The following ADGRL4 variants were observed in gnomAD, a reference collection of about 807,000 sequenced individuals.
The protein encoded by ADGRL4 is adhesion G protein-coupled receptor L4, also known as EGF, latrophilin and seven transmembrane domain containing 1.
Under a neutral mutation model 74.8 loss-of-function variants are expected in ADGRL4, and 90 were observed. The ratio of observed to expected loss-of-function variants is 1.20; its 90% CI spans 1.02 to 1.43. The LOEUF (loss-of-function observed/expected upper bound fraction) is 1.43, where lower values mean the gene tolerates loss of function less well. Among genes scored for constraint, ADGRL4 ranks in the 40% most tolerant of loss-of-function variants. ADGRL4 has a pLI of 0.00. For missense variants in ADGRL4, 881 were observed against 814.3 expected, an observed-to-expected ratio of 1.08 and a Z score of -1.00; for synonymous variants, 311 against 279.2, an observed-to-expected ratio of 1.11 and a Z score of -1.14.
At chr1:78,947,920 T>C (rs905005264) in intron 2 of ADGRL4, among the ~76,000 whole-genome samples, 15 of 152,180 alleles carry the variant, frequency 9.9e-5, no homozygotes, top group Admixed American at 5.9e-4. Flanking sequence ...ATACTGGCTA[T>C]TGCTCACATA....
rs1302159250 is a variant in ADGRL4 at position 78,976,131 on chromosome 1, A to C, written c.172+28939T>G. ...ATGGAGTTAACAGTCCCAGAAGAAC[A>C]AGGTGACTAGAGTTTACAGGACAGA... On this transcript the variant is annotated intron_variant, in intron 2 of 14. Transcript: ENST00000370742. Among the ~76,000 whole-genome samples the C allele has an allele frequency of 2.0e-5, 3 of 152,130 alleles. No homozygotes were observed. The East Asian group carries it at 5.8e-4, about 29-fold the overall frequency.
intron 8 of ADGRL4, among the ~76,000 whole-genome samples, chr1:78,924,227 G>T (rs1478094312): frequency 2.0e-5 from 3 of 151,908 alleles, no homozygotes; most frequent in Non-Finnish European, 4.4e-5. Context: ...CTGTACCATG[G>T]TATTTATCTA....
At chr1:78,916,108 T>A (rs1452852944) in intron 12 of ADGRL4, among the ~76,000 whole-genome samples, 1 of 151,874 alleles carries the variant, frequency 6.6e-6, no homozygotes, top group Non-Finnish European at 1.5e-5. Context: ...GGACTCATTT[T>A]TAAATAATTT....
At chr1:78,902,243 A>G (rs1648535345) in intron 12 of ADGRL4, among the ~76,000 whole-genome samples, 1 of 152,150 alleles carries the variant, frequency 6.6e-6, no homozygotes, top group Non-Finnish European at 1.5e-5. Flanking sequence ...ACTCAAGTGA[A>G]TGACCACCTC....
In ADGRL4 at chr1:78,906,854, C is replaced by T. The variant is rs1034394225; in HGVS notation, c.1749+10780G>A. ...TAAAATTATTGCCAATTTAATTTTTCATTTAAAAGGTAAAAATAGAAGAGA... is the reference window on the plus strand; with the variant it reads ...TAAAATTATTGCCAATTTAATTTTTTATTTAAAAGGTAAAAATAGAAGAGA... On this transcript the variant is annotated intron_variant, in intron 12 of 14. Coordinates refer to ENST00000370742, the MANE Select transcript of ADGRL4 (RefSeq NM_022159.4). Among the ~76,000 whole-genome samples the T allele has an allele frequency of 2.0e-5, 3 of 152,008 alleles. No homozygotes were observed. The South Asian group carries it at 6.2e-4, about 32-fold the overall frequency.
chr1:78,994,950 G>A (rs1439687969), intron 2 of ADGRL4, among the ~76,000 whole-genome samples: 1 of 152,088 alleles, frequency 6.6e-6, no homozygotes, highest in African/African-American at 2.4e-5. Flanking sequence ...ATAAACACTC[G>A]TTAAGCAAAG....
At chr1:78,959,489 G>A (rs1053806158) in intron 2 of ADGRL4, among the ~76,000 whole-genome samples, 3 of 152,106 alleles carry the variant, frequency 2.0e-5, no homozygotes, top group Non-Finnish European at 4.4e-5. Context: ...GGCTGAAATA[G>A]CAAAAACACA....
chr1:78,981,365 T>C (rs1650395070), intron 2 of ADGRL4, among the ~76,000 whole-genome samples: 1 of 151,994 alleles, frequency 6.6e-6, no homozygotes, highest in African/African-American at 2.4e-5. Context: ...AACCATGACT[T>C]TATCATGCCC....
At chr1:78,895,819 C>T (rs1648385869) in intron 12 of ADGRL4, among the ~76,000 whole-genome samples, 1 of 151,912 alleles carries the variant, frequency 6.6e-6, no homozygotes, top group Admixed American at 6.6e-5. Flanking sequence ...CTGTTTTGTT[C>T]AATAATTATT....
At chr1:78,904,462 GT>G (rs1648588905) in intron 12 of ADGRL4, among the ~76,000 whole-genome samples, 1 of 151,750 alleles carries the variant, frequency 6.6e-6, no homozygotes, top group Non-Finnish European at 1.5e-5. Flanking sequence ...TTTAAAGTAT[GT>G]TTTACAATAT....
intron 2 of ADGRL4, among the ~76,000 whole-genome samples, chr1:78,971,704 T>A (rs530866003): frequency 6.6e-6 from 1 of 152,348 alleles, no homozygotes; most frequent in South Asian, 2.1e-4. Context: ...TTGTTCAGAT[T>A]TAGTTTCCTC....
rs1557504927 is a variant in ADGRL4 at position 78,938,188 on chromosome 1, A to G, written c.488T>C (p.Ile163Thr). 2.5e-6 allele frequency: 4 copies of G among 1,612,024 alleles called. No homozygotes were observed. Among genetic ancestry groups the G allele is most frequent in the Non-Finnish European group, 3.4e-6 (4 of 1,179,100 alleles). The change falls in exon 5 of 15, where the codon ATA becomes ACA. Residue 163 changes from isoleucine (I) to threonine (T), a missense_variant. Coordinates refer to ENST00000370742, the MANE Select transcript of ADGRL4 (RefSeq NM_022159.4). ...DLSPTDIITY[I>T]EILAESSSLL... The stretch of plus-strand genomic sequence containing the variant: ...TGAAGATGATTCAGCTAATATTTCT[A>G]TATATGTAATTATATCTGTTGGTGA...
At chr1:78,959,147 G>A (rs1649891905) in intron 2 of ADGRL4, among the ~76,000 whole-genome samples, 1 of 152,106 alleles carries the variant, frequency 6.6e-6, no homozygotes. Context: ...AATATTGTGT[G>A]ACTTACTTTA....
chr1:78,918,642 G>A (rs895187105), intron 10 of ADGRL4, among the ~76,000 whole-genome samples: 5 of 151,768 alleles, frequency 3.3e-5, no homozygotes. Flanking sequence ...CTCATCTTGA[G>A]CTAAAGTTAG....
Position 78,936,215 on chromosome 1 carries a change from CA to C in ADGRL4, c.877+79del, listed in dbSNP as rs1649348992. On this transcript the variant is annotated intron_variant, in intron 7 of 14. Transcript: ENST00000370742. ...TATAGGAAACCACATGTTACATGTA[CA>C]TATGACATAATCAAATGCATGATAA... 41 of 1,396,624 alleles carry C rather than the reference CA, an allele frequency of 2.9e-5. No homozygotes were observed. The South Asian group carries it at 4.9e-4, about 17-fold the overall frequency. 86.5% of individuals were successfully genotyped at this position (1,396,624 alleles called of 1,614,324 possible).
At chr1:79,000,470 C>T (rs960199251) in intron 2 of ADGRL4, among the ~76,000 whole-genome samples, 1 of 152,086 alleles carries the variant, frequency 6.6e-6, no homozygotes, top group African/African-American at 2.4e-5. Context: ...ATCACACAGG[C>T]CCCTTTCCTT....
intron 2 of ADGRL4, among the ~76,000 whole-genome samples, chr1:78,988,663 A>G (rs1339631572): frequency 6.6e-6 from 1 of 151,862 alleles, no homozygotes; most frequent in Non-Finnish European, 1.5e-5. Flanking sequence ...GTTTCTGTCA[A>G]TGAACACACA....
At chr1:78,989,944 C>A (rs191345613) in intron 2 of ADGRL4, among the ~76,000 whole-genome samples, 8 of 151,962 alleles carry the variant, frequency 5.3e-5, no homozygotes, top group Admixed American at 5.3e-4. Flanking sequence ...TCCAGGGATG[C>A]CTTCTTTAGA....
intron 2 of ADGRL4, among the ~76,000 whole-genome samples, chr1:78,960,939 T>C (rs1240087634): frequency 6.6e-6 from 1 of 152,200 alleles, no homozygotes; most frequent in Admixed American, 6.5e-5. Context: ...GTTAGAGCAG[T>C]GAAAATGAAA....
Sources: gnomAD v4.1 joint callset for allele counts (sites outside exome capture counted in the v4.1 genomes callset) on GRCh38, gnomAD v4.1.1 for gene constraint, MANE v1.5 for transcripts, NCBI Gene and HGNC (gene_info 2026-07-23, HGNC 2026-07-21) for gene names.